Variants in NLRP9 observed in about 807,000 individuals in gnomAD.
The protein encoded by NLRP9 is NACHT, LRR and PYD domains-containing protein 9.
Under a neutral mutation model 83.1 loss-of-function variants are expected in NLRP9, and 88 were observed. The ratio of observed to expected loss-of-function variants is 1.06; its 90% confidence interval spans 0.89 to 1.26. The LOEUF (loss-of-function observed/expected upper bound fraction) is 1.26. Among genes scored for constraint, NLRP9 ranks in the 50% most tolerant of loss-of-function variants. The pLI is 0.00. For missense variants in NLRP9, 1,308 were observed against 1,179.3 expected (o/e 1.11, Z -1.60); for synonymous variants, 521 against 447.6 (o/e 1.16, Z -2.07).
rs774534962 is a variant in NLRP9, at chr19:55,732,509, A to G, written c.1322T>C (p.Phe441Ser). ...TTGGATACACAGATGCATGAAGGCA[A>G]AACAGTCCCCTCTCCTTTGGAGGAG... Reference protein sequence around the residue: ...MRLLQRRGDCFAFMHLCIQEF... With the variant: ...MRLLQRRGDCSAFMHLCIQEF... The change falls in exon 2 of 9, where the codon TTT (phenylalanine) becomes TCT (serine). Residue 441 changes from phenylalanine to serine, a missense_variant. Physicochemically the swap from Phe to Ser is radical, Grantham distance 155 (BLOSUM62 -2). Transcript: ENST00000332836. 40 of 1,614,246 alleles carry G rather than the reference A, an allele frequency of 2.5e-5. No homozygotes were observed. Among genetic ancestry groups the G allele is most frequent in the Non-Finnish European group, 3.2e-5 (38 of 1,180,042 alleles).
intron 8 of NLRP9, chr19:55,711,495 A>G (rs1314761521): frequency 3.0e-6 from 4 of 1,353,684 alleles, no homozygotes; most frequent in Middle Eastern, 2.0e-4. Flanking sequence ...TGTTTTATAG[A>G]GCAGTGGTTC....
intron 4 of NLRP9, among the ~76,000 whole-genome samples, chr19:55,723,051 C>T (rs953479358): frequency 2.9e-4 from 44 of 151,910 alleles, no homozygotes; most frequent in Non-Finnish European, 1.9e-4. Flanking sequence ...ATGTAAATGA[C>T]GAGTTGATGG....
chr19:55,729,048 T>C (rs1479293713), intron 3 of NLRP9, among the ~76,000 whole-genome samples: 2 of 117,148 alleles, frequency 1.7e-5, no homozygotes, highest in Non-Finnish European at 3.3e-5. Context: ...ATTTTTCTTT[T>C]TCTTTTTTTT....
chr19:55,728,863 G>T (rs1362823427), intron 3 of NLRP9, among the ~76,000 whole-genome samples: 1 of 152,070 alleles, frequency 6.6e-6, no homozygotes, highest in African/African-American at 2.4e-5. Context: ...GAAGAGAACA[G>T]CATGGCCCAG....
intron 1 of NLRP9, among the ~76,000 whole-genome samples, chr19:55,736,739 A>C (rs1299828910): frequency 6.6e-6 from 1 of 151,714 alleles, no homozygotes; most frequent in Non-Finnish European, 1.5e-5. Flanking sequence ...GAAGCTGAGG[A>C]AGGAGAATCG....
intron 1 of NLRP9, among the ~76,000 whole-genome samples, chr19:55,735,731 A>G (rs1988767443): frequency 6.6e-6 from 1 of 152,092 alleles, no homozygotes; most frequent in Non-Finnish European, 1.5e-5. Context: ...TCTGTGGCCC[A>G]GGCTAAAGTG....
At chr19:55,720,871 CAT>C (rs1253591974) in intron 4 of NLRP9, among the ~76,000 whole-genome samples, 1 of 152,210 alleles carries the variant, frequency 6.6e-6, no homozygotes, top group Non-Finnish European at 1.5e-5. Flanking sequence ...ATCAAACAGA[CAT>C]ATCACAACAG....
intron 1 of NLRP9, among the ~76,000 whole-genome samples, chr19:55,735,067 C>A (rs913804511): frequency 6.6e-6 from 1 of 152,064 alleles, no homozygotes; most frequent in Non-Finnish European, 1.5e-5. Flanking sequence ...AGGGACTGGA[C>A]GGAAGGAGAT....
Position 55,711,940 on chromosome 19 carries a change from G to T in NLRP9, c.2703C>A (p.Cys901Ter). 6.2e-7 allele frequency: 1 copy of T among 1,613,082 alleles called. No individual in the cohort carries two copies. The highest frequency in any genetic ancestry group is 8.5e-7 in the Non-Finnish European group (1 of 1,179,938). ...TGAGTGCTGCGGCGATGTCGTCGCA[G>T]CAGGCACGGGTGATCGGACACGTTT... Reference protein sequence around the residue: ...GLQTCPITRACCDDIAAALIA... With the variant: ...GLQTCPITRA The change falls in exon 8 of 9, where the codon TGC becomes TGA. Residue 901 changes from cysteine (C) to a stop codon, truncating the protein, a stop_gained. Coordinates refer to ENST00000332836, the MANE Select transcript of NLRP9 (RefSeq NM_176820.4). LOFTEE classifies it high-confidence loss of function.
At position 55,715,082 on chromosome 19, in the gene NLRP9, T is replaced by TGC. The variant is rs1182046642; in HGVS notation, c.2472_2473dup (p.His825ArgfsTer12). Reference sequence around the variant, plus strand: ...CAGCTCCCGTATGCTGCAGCCTGGGTGCTTCAGCGCTGCACACAGAGATGC... The same window carrying TGC: ...CAGCTCCCGTATGCTGCAGCCTGGGTGCGCTTCAGCGCTGCACACAGAGATGC... On this transcript the variant is annotated frameshift_variant, in exon 6 of 9. Transcript: ENST00000332836. LOFTEE classifies it high-confidence loss of function. 6.2e-7 allele frequency: 1 copy of TGC among 1,612,144 alleles called. No homozygotes were observed. The highest frequency in any genetic ancestry group is 8.5e-7 in the Non-Finnish European group (1 of 1,179,492).
chr19:55,728,489 T>A (rs1343199351), intron 3 of NLRP9, among the ~76,000 whole-genome samples: 1 of 152,000 alleles, frequency 6.6e-6, no homozygotes, highest in Non-Finnish European at 1.5e-5. Context: ...GGAGAATCGC[T>A]TGAACCCGGG....
chr19:55,733,758 C>T (rs960421208), intron 1 of NLRP9, among the ~76,000 whole-genome samples: 2 of 152,104 alleles, frequency 1.3e-5, no homozygotes, highest in African/African-American at 4.8e-5. Flanking sequence ...TTAACAGGAA[C>T]ACAGGCTTGA....
At chr19:55,709,230 C>T (rs1486514053) in intron 8 of NLRP9, 186 bp from the exon 9 acceptor site, 1 of 411,470 alleles carries the variant, frequency 2.4e-6, no homozygotes, top group Admixed American at 4.6e-5. Flanking sequence ...TGATTTATAC[C>T]ATAAAGTGAA....
At chr19:55,720,782 T>A (rs1414625663) in intron 4 of NLRP9, among the ~76,000 whole-genome samples, 3 of 152,192 alleles carry the variant, frequency 2.0e-5, no homozygotes, top group African/African-American at 7.2e-5. Flanking sequence ...GACCTAGGAT[T>A]CATTCCGCAA....
chr19:55,733,139 T>C lies in NLRP9; in HGVS notation c.692A>G (p.Glu231Gly), dbSNP rs1439686205. 1.9e-6 allele frequency: 3 copies of C among 1,614,158 alleles called. No homozygotes were observed. Residue 231 changes from glutamate (E) to glycine (G), a missense_variant, in exon 2 of 9, where the codon GAG (glutamate) becomes GGG (glycine). Glu to Gly is a moderately conservative substitution (Grantham distance 98). Transcript: ENST00000332836. ...ERILFIMDGF[E>G]QLKFNLQLKA... ...AAGTTGTAAGTTAAACTTCAGTTGC[T>C]CAAAGCCATCCATGATGAACAGAAT...
At chr19:55,726,385 A>C (rs1050134694) in intron 3 of NLRP9, among the ~76,000 whole-genome samples, 3 of 152,186 alleles carry the variant, frequency 2.0e-5, no homozygotes, top group African/African-American at 4.8e-5. Flanking sequence ...CTTTTTCTAC[A>C]CATAAAATGA....
intron 1 of NLRP9, among the ~76,000 whole-genome samples, chr19:55,736,811 G>A (rs928654141): frequency 1.3e-5 from 2 of 151,086 alleles, no homozygotes; most frequent in African/African-American, 4.9e-5. Context: ...TCCAACCTGG[G>A]CAACAGAGCA....
intron 1 of NLRP9, chr19:55,737,612 A>G (rs954275551): frequency 4.9e-5 from 8 of 163,300 alleles, no homozygotes; most frequent in African/African-American, 1.9e-4. Flanking sequence ...GTCAAAAAGG[A>G]CAGGCAGTTA....
intron 4 of NLRP9, among the ~76,000 whole-genome samples, chr19:55,719,264 C>T (rs1988141946): frequency 6.6e-6 from 1 of 152,178 alleles, no homozygotes; most frequent in Non-Finnish European, 1.5e-5. Flanking sequence ...GCTGAGATCC[C>T]ACCTCAGCCT....
Sources: gnomAD v4.1 joint callset for allele counts (sites outside exome capture counted in the v4.1 genomes callset) on GRCh38, gnomAD v4.1.1 for gene constraint, MANE v1.5 for transcripts, NCBI Gene and HGNC (gene_info 2026-07-23, HGNC 2026-07-21) for gene names.